NAALADL2: variants seen among roughly 807,000 people sequenced by gnomAD.
The protein encoded by NAALADL2 is inactive N-acetylated-alpha-linked acidic dipeptidase-like protein 2.
NAALADL2 carries 76 observed loss-of-function variants against 87.2 expected under a neutral mutation model. The observed-to-expected ratio is 0.87, with a 90% CI of 0.72 to 1.05. The LOEUF (loss-of-function observed/expected upper bound fraction) is 1.05. Among genes scored for constraint, NAALADL2 ranks in the 50% least tolerant of loss-of-function variants. The pLI, the probability that NAALADL2 is intolerant of heterozygous loss-of-function variation, is 0.00. For missense variants in NAALADL2, 1,089 were observed against 945.8 expected, an observed-to-expected ratio of 1.15 and a Z score of -1.99; for synonymous variants, 354 against 331.0, an observed-to-expected ratio of 1.07 and a Z score of -0.75.
chr3:175,045,881 C>T (rs989743787), intron 1 of NAALADL2, among the ~76,000 whole-genome samples: 50 of 152,078 alleles, frequency 3.3e-4, no homozygotes, highest in African/African-American at 1.0e-3. Flanking sequence ...TTTTCCAAGA[C>T]TTTTTACTAT....
intron 2 of NAALADL2, among the ~76,000 whole-genome samples, chr3:175,205,829 A>C (rs1433951025): frequency 8.3e-6 from 1 of 121,048 alleles, no homozygotes; most frequent in African/African-American, 3.3e-5. Flanking sequence ...ACAAATGGCC[A>C]AAAAAAAAAT....
chr3:175,179,398 A>G (rs1055450037), intron 2 of NAALADL2, among the ~76,000 whole-genome samples: 1 of 152,002 alleles, frequency 6.6e-6, no homozygotes, highest in Non-Finnish European at 1.5e-5. Flanking sequence ...AGAAAAAATA[A>G]TGGCTATCAG....
intron 12 of NAALADL2, among the ~76,000 whole-genome samples, chr3:175,745,942 A>T (rs1745861479): frequency 6.6e-6 from 1 of 152,208 alleles, no homozygotes; most frequent in Non-Finnish European, 1.5e-5. Flanking sequence ...AAATAGCATT[A>T]TCGTAAAGAC....
rs1348895667 is a variant in NAALADL2 at position 175,466,979 on chromosome 3, A to G, written c.1328A>G (p.Asp443Gly). 1.2e-6 allele frequency: 2 copies of G among 1,609,510 alleles called. No homozygotes were observed. The highest frequency in any genetic ancestry group is 1.7e-6 in the Non-Finnish European group (2 of 1,176,184). Residue 443 changes from aspartate (D) to glycine (G), a missense_variant and splice_region_variant, in exon 8 of 14, where the codon GAC becomes GGC. By Grantham distance (94) the Asp-to-Gly change is moderately conservative. Coordinates refer to ENST00000454872, the MANE Select transcript of NAALADL2 (RefSeq NM_207015.3). ...GGCTCTTGTCCCTTTCTATTTTCAG[A>G]CCGGTATATCATAGTTGGCAGCCAT... ...VGFVMGLTSP[D>G]RYIIVGSHHH...
At chr3:174,859,598 C>A in intron 1 of NAALADL2, 148 bp downstream of exon 1, 1 of 632,376 alleles carries the variant, frequency 1.6e-6, no homozygotes, top group Non-Finnish European at 2.8e-6. Flanking sequence ...AAGGTGTTTT[C>A]TGCGAGCGAG....
chr3:174,587,991 G>A (rs1716919308), intron 2 of NAALADL2, among the ~76,000 whole-genome samples: 1 of 152,084 alleles, frequency 6.6e-6, no homozygotes, highest in Admixed American at 6.5e-5. Flanking sequence ...AATTCCCCCT[G>A]TCACTTTCAG....
intron 2 of NAALADL2, among the ~76,000 whole-genome samples, chr3:174,728,696 G>T (rs1455201604): frequency 6.6e-6 from 1 of 151,828 alleles, no homozygotes. Flanking sequence ...AGTTTAACTT[G>T]CTCAAAGCCA....
intron 11 of NAALADL2, among the ~76,000 whole-genome samples, chr3:175,701,510 C>A (rs138371460): frequency 6.6e-6 from 1 of 152,160 alleles, no homozygotes; most frequent in Non-Finnish European, 1.5e-5. Context: ...ATTTCAAACA[C>A]GTATTTACCA....
intron 10 of NAALADL2, among the ~76,000 whole-genome samples, chr3:175,605,338 C>T (rs747735901): frequency 2.4e-4 from 36 of 149,668 alleles, no homozygotes; most frequent in Non-Finnish European, 4.6e-4. Context: ...GTTTTCTAAG[C>T]TTTTATTTCT....
chr3:175,510,602 A>G (rs77309710), intron 9 of NAALADL2, among the ~76,000 whole-genome samples: 165 of 152,358 alleles, frequency 1.1e-3, no homozygotes, highest in African/African-American at 3.8e-3. Flanking sequence ...GTCTTCCTTT[A>G]TAAACTACCT....
chr3:174,525,410 G>A lies in NAALADL2; in HGVS notation c.-183-25159G>A, dbSNP rs536608764. The stretch of plus-strand genomic sequence containing the variant: ...CAATCATGACAGAATGTCAGATGGC[G>A]AGAGCAATAGCAAGAGCAAGAGAAG... On this transcript the variant is annotated intron_variant, in intron 1 of 3. Coordinates refer to the NAALADL2 transcript ENST00000434257. Among the ~76,000 whole-genome samples, 3 of 152,334 alleles carry A rather than the reference G, an allele frequency of 2.0e-5. No individual in the cohort carries two copies. The South Asian group carries it at 6.2e-4, about 32-fold the overall frequency.
intron 11 of NAALADL2, among the ~76,000 whole-genome samples, chr3:175,659,038 G>C (rs1731900384): frequency 1.3e-5 from 2 of 152,018 alleles, no homozygotes; most frequent in South Asian, 4.1e-4. Context: ...TGAATTCTAG[G>C]CCATCTGTTT....
rs375173337 is a variant in NAALADL2 at position 174,931,113 on chromosome 3, G to A, written c.43+71663G>A. ...ATTTCTTCTACTAAACAAGTATTTC[G>A]GGGCTGAATCGATCAAAATACATTT... On this transcript the variant is annotated intron_variant, in intron 1 of 13. Transcript: ENST00000454872. 5.3e-5 allele frequency among the ~76,000 whole-genome samples: 8 copies of A among 152,022 alleles called. No individual in the cohort carries two copies. In the East Asian group the frequency reaches 5.8e-4, roughly 11 times the overall value.
At chr3:175,652,479 C>CTTTTTT (rs771774912) in intron 11 of NAALADL2, among the ~76,000 whole-genome samples, 1 of 132,402 alleles carries the variant, frequency 7.6e-6, no homozygotes, top group Non-Finnish European at 1.6e-5. Context: ...TCTTTTCTTT[C>CTTTTTT]TTTTTTTTTT....
intron 1 of NAALADL2, among the ~76,000 whole-genome samples, chr3:174,480,840 A>T (rs1717502108): frequency 1.3e-5 from 2 of 152,048 alleles, no homozygotes; most frequent in South Asian, 2.1e-4. Flanking sequence ...ACTAAAGTAG[A>T]TGCCCATTAT....
chr3:175,043,483 C>T lies in NAALADL2; in HGVS notation c.44-53307C>T, dbSNP rs531911185. Among the ~76,000 whole-genome samples the T allele has an allele frequency of 1.1e-3, 170 of 152,240 alleles. 1 individual carries two copies. The highest frequency in any genetic ancestry group is 1.5e-3 in the Non-Finnish European group (102 of 68,026). The stretch of plus-strand genomic sequence containing the variant: ...CGAACTCCTGACCTTGTGATCTGCC[C>T]GCCTCAGTCTCCCAAAGTGCTGGCG... On this transcript the variant is annotated intron_variant, in intron 1 of 13. Transcript: ENST00000454872.
In NAALADL2 at chr3:175,153,865, G is replaced by C. The variant is rs1454835404; in HGVS notation, c.545+56574G>C. ...TGATTGCCTGTCTTTCAAAGAGTGA[G>C]ACTGTCATTGATTGGTTGGCTTTCA... On this transcript the variant is annotated intron_variant, in intron 2 of 13. Transcript: ENST00000454872. 3.9e-5 allele frequency among the ~76,000 whole-genome samples: 6 copies of C among 152,294 alleles called. No individual in the cohort carries two copies. The East Asian group carries it at 1.2e-3, about 29-fold the overall frequency.
chr3:174,873,432 C>T (rs185050019), intron 1 of NAALADL2, among the ~76,000 whole-genome samples: 3 of 151,708 alleles, frequency 2.0e-5, no homozygotes, highest in Non-Finnish European at 4.4e-5. Flanking sequence ...GTTTTATATT[C>T]TTAATAGAGA....
At chr3:174,762,592 GA>G (rs1380733671) in intron 3 of NAALADL2, among the ~76,000 whole-genome samples, 2 of 151,822 alleles carry the variant, frequency 1.3e-5, no homozygotes, top group African/African-American at 4.8e-5. Flanking sequence ...GAAGGGAGTG[GA>G]AAAAAATATT....
Sources: allele counts gnomAD v4.1 joint callset (sites outside exome capture counted in the v4.1 genomes callset), GRCh38; gene constraint gnomAD v4.1.1; transcripts MANE v1.5; gene names NCBI Gene and HGNC (gene_info 2026-07-23, HGNC 2026-07-21).